FOXP2: variants seen among roughly 807,000 people sequenced by gnomAD.
FOXP2 encodes the protein forkhead box protein P2.
In FOXP2, 12 loss-of-function variants were observed where a neutral mutation model predicts 115.8. That is an observed-to-expected ratio of 0.10 (90% CI 0.07 to 0.17). FOXP2 has a LOEUF of 0.17. Ranked by LOEUF, FOXP2 falls within the 10% of genes least tolerant of loss-of-function variation. The pLI, the probability that FOXP2 is intolerant of heterozygous loss-of-function variation, is 1.00. For synonymous variants in FOXP2, 328 were observed against 297.7 expected, an observed-to-expected ratio of 1.10 and a Z score of -1.05; for missense variants, 629 against 843.5, an observed-to-expected ratio of 0.75 and a Z score of 3.15.
At chr7:114,302,971 A>G (rs1037470295) in intron 2 of FOXP2, among the ~76,000 whole-genome samples, 2 of 152,150 alleles carry the variant, frequency 1.3e-5, no homozygotes, top group African/African-American at 2.4e-5. Context: ...TCCTGAGCTC[A>G]AGAAAAAGAA....
chr7:114,376,627 A>G (rs1343747295), intron 2 of FOXP2, among the ~76,000 whole-genome samples: 1 of 152,200 alleles, frequency 6.6e-6, no homozygotes, highest in Non-Finnish European at 1.5e-5. Flanking sequence ...ATATAGCAGC[A>G]TAAGTTATGT....
intron 1 of FOXP2, among the ~76,000 whole-genome samples, chr7:114,134,501 CAGG>C (rs1281950590): frequency 1.3e-5 from 2 of 151,876 alleles, no homozygotes; most frequent in African/African-American, 4.8e-5. Context: ...ATCACGAGGT[CAGG>C]AGATCAAGAC....
chr7:114,202,484 A>G (rs1370345976), intron 1 of FOXP2, among the ~76,000 whole-genome samples: 1 of 152,186 alleles, frequency 6.6e-6, no homozygotes, highest in Admixed American at 6.5e-5. Context: ...TGAAACCCAA[A>G]TTCCAGACCT....
intron 1 of FOXP2, among the ~76,000 whole-genome samples, chr7:114,205,964 A>T (rs749185906): frequency 6.6e-6 from 1 of 152,190 alleles, no homozygotes; most frequent in Non-Finnish European, 1.5e-5. Flanking sequence ...GCTTGGTGGC[A>T]TGCATATGTC....
chr7:114,685,994 A>G (rs548571697), intron 16 of FOXP2, among the ~76,000 whole-genome samples: 63 of 152,114 alleles, frequency 4.1e-4, no homozygotes, highest in Non-Finnish European at 8.1e-4. Flanking sequence ...AAAAAAAGCC[A>G]AAATGTGAAC....
chr7:114,328,846 A>G (rs954111898), intron 2 of FOXP2, among the ~76,000 whole-genome samples: 1 of 152,196 alleles, frequency 6.6e-6, no homozygotes, highest in Non-Finnish European at 1.5e-5. Context: ...AGAAAATAGC[A>G]TTTTTAGAAT....
chr7:114,379,889 A>T (rs1322497470), intron 2 of FOXP2, among the ~76,000 whole-genome samples: 1 of 152,132 alleles, frequency 6.6e-6, no homozygotes, highest in Non-Finnish European at 1.5e-5. Flanking sequence ...TTTATTGGTT[A>T]GCTGCAGGCA....
At chr7:114,678,243 A>G (rs924807820) in intron 16 of FOXP2, among the ~76,000 whole-genome samples, 1 of 152,202 alleles carries the variant, frequency 6.6e-6, no homozygotes, top group African/African-American at 2.4e-5. Context: ...GGATAGATGT[A>G]AAGGACATGA....
intron 3 of FOXP2, among the ~76,000 whole-genome samples, chr7:114,619,531 A>G (rs1462861404): frequency 6.6e-6 from 1 of 152,088 alleles, no homozygotes; most frequent in Non-Finnish European, 1.5e-5. Flanking sequence ...TTTATAACAT[A>G]TATGTTTCAT....
chr7:114,538,593 C>A (rs1353405883), intron 3 of FOXP2, among the ~76,000 whole-genome samples: 2 of 151,454 alleles, frequency 1.3e-5, no homozygotes, highest in Non-Finnish European at 3.0e-5. Context: ...TCTGACTCTG[C>A]CACAAATAGT....
chr7:114,257,832 G>A (rs1201744475), intron 1 of FOXP2, among the ~76,000 whole-genome samples: 1 of 152,128 alleles, frequency 6.6e-6, no homozygotes, highest in Admixed American at 6.6e-5. Context: ...AATGTTCCAG[G>A]GAAATCCTTG....
At chr7:114,613,734 A>C (rs1266479116) in intron 3 of FOXP2, 2 of 151,594 alleles carry the variant, frequency 1.3e-5, no homozygotes, top group Non-Finnish European at 2.9e-5. Context: ...GCTTAGCAAG[A>C]CATAAAGAGT....
intron 3 of FOXP2, chr7:114,561,482 A>C (rs1004268140): frequency 6.6e-6 from 1 of 152,194 alleles, no homozygotes; most frequent in African/African-American, 2.4e-5. Context: ...ATTTTAAAGA[A>C]GTTTGCCTTT....
chr7:114,200,312 CT>C (rs887657069), intron 1 of FOXP2, among the ~76,000 whole-genome samples: 2 of 152,124 alleles, frequency 1.3e-5, no homozygotes, highest in East Asian at 3.9e-4. Context: ...TCTTTCCAAT[CT>C]TTTTTTTGAG....
chr7:114,260,740 T>A (rs548786387), intron 1 of FOXP2, among the ~76,000 whole-genome samples: 1 of 152,294 alleles, frequency 6.6e-6, no homozygotes, highest in South Asian at 2.1e-4. Context: ...GTTTATTCTT[T>A]CCAATTTAAA....
intron 2 of FOXP2, among the ~76,000 whole-genome samples, chr7:114,457,906 A>C (rs1451150619): frequency 6.6e-6 from 1 of 152,138 alleles, no homozygotes; most frequent in Non-Finnish European, 1.5e-5. Flanking sequence ...AAAAAAAAAA[A>C]AAAAGTCTTC....
intron 2 of FOXP2, among the ~76,000 whole-genome samples, chr7:114,465,164 C>T (rs903775166): frequency 5.9e-5 from 9 of 151,972 alleles, no homozygotes; most frequent in Non-Finnish European, 8.8e-5. Context: ...GAGGTGTCGC[C>T]GTGTTGCCAA....
At chr7:114,333,928 A>G (rs1797776642) in intron 2 of FOXP2, among the ~76,000 whole-genome samples, 1 of 151,522 alleles carries the variant, frequency 6.6e-6, no homozygotes, top group Non-Finnish European at 1.5e-5. Context: ...CTTGGTGCGG[A>G]AAAAAGTTCT....
intron 2 of FOXP2, among the ~76,000 whole-genome samples, chr7:114,307,721 G>C (rs1424015416): frequency 2.0e-5 from 3 of 152,108 alleles, no homozygotes; most frequent in East Asian, 1.9e-4. Flanking sequence ...ATTCATTTTA[G>C]GCATATTTAA....
Sources: allele counts gnomAD v4.1 joint callset (sites outside exome capture counted in the v4.1 genomes callset), GRCh38; gene constraint gnomAD v4.1.1; transcripts MANE v1.5; gene names NCBI Gene and HGNC (gene_info 2026-07-23, HGNC 2026-07-21).